Variants in NRBF2 observed in about 807,000 individuals in gnomAD.
NRBF2 encodes the protein nuclear receptor-binding factor 2.
Under a neutral mutation model 28.5 loss-of-function variants are expected in NRBF2, and 12 were observed. The ratio of observed to expected loss-of-function variants is 0.42; its 90% confidence interval spans 0.27 to 0.68. NRBF2 has a LOEUF of 0.68. Ranked by LOEUF, NRBF2 falls within the 30% of genes least tolerant of loss-of-function variation. The pLI, the probability that NRBF2 is intolerant of heterozygous loss-of-function variation, is 0.24. For missense variants in NRBF2, 274 were observed against 333.5 expected, an observed-to-expected ratio of 0.82 and a Z score of 1.39; for synonymous variants, 102 against 116.5, an observed-to-expected ratio of 0.88 and a Z score of 0.80.
At position 63,144,203 on chromosome 10, in the gene NRBF2, T is replaced by C. The variant is rs148343507; in HGVS notation, c.31-2006T>C. On this transcript the variant is annotated intron_variant, in intron 1 of 3. Transcript: ENST00000277746. ...TTTTTTCATCTTGCAAAACTGAAAC[T>C]ATGCCGTTTGAATACCTACTCCCCA... 3.3e-3 allele frequency among the ~76,000 whole-genome samples: 498 copies of C among 152,310 alleles called. 3 individuals are homozygous for C. The highest frequency in any genetic ancestry group is 0.012 in the African/African-American group (482 of 41,568).
intron 1 of NRBF2, among the ~76,000 whole-genome samples, chr10:63,142,936 A>G (rs1352169982): frequency 6.6e-6 from 1 of 151,706 alleles, no homozygotes; most frequent in Non-Finnish European, 1.5e-5. Flanking sequence ...ATGTGCCACC[A>G]TGCCTGGCTA....
chr10:63,140,791 C>T (rs540086596), intron 1 of NRBF2, among the ~76,000 whole-genome samples: 5 of 152,006 alleles, frequency 3.3e-5, no homozygotes, highest in East Asian at 3.9e-4. Context: ...ACCTCTGCCT[C>T]CCAGGTTCAA....
In NRBF2 at chr10:63,154,292, G is replaced by C. The variant is rs1841696949; in HGVS notation, c.*74G>C. 2.0e-6 allele frequency: 2 copies of C among 1,007,506 alleles called. No individual in the cohort carries two copies. Among genetic ancestry groups the C allele is most frequent in the Admixed American group, 4.9e-5 (2 of 40,586 alleles). 62.4% of individuals were successfully genotyped at this position (1,007,506 alleles called of 1,614,324 possible). On this transcript the variant is annotated 3_prime_UTR_variant, in exon 4 of 4. Coordinates refer to ENST00000277746, the MANE Select transcript of NRBF2 (RefSeq NM_030759.5). ...TTAATCCAGCAAAAAGAAATGAAAAGGGAAAACCACATAGAAGGGTAATCC... is the reference window on the plus strand; with the variant it reads ...TTAATCCAGCAAAAAGAAATGAAAACGGAAAACCACATAGAAGGGTAATCC...
chr10:63,139,156 C>T (rs143191520), intron 1 of NRBF2, among the ~76,000 whole-genome samples: 82 of 152,242 alleles, frequency 5.4e-4, no homozygotes, highest in African/African-American at 1.9e-3. Context: ...ACCACAGGCG[C>T]GTGCCATCAT....
chr10:63,148,439 T>C (rs572834771), intron 2 of NRBF2, among the ~76,000 whole-genome samples: 3 of 152,294 alleles, frequency 2.0e-5, no homozygotes, highest in African/African-American at 4.8e-5. Context: ...TTGGAAGGTA[T>C]GGGTTAGGTG....
intron 1 of NRBF2, among the ~76,000 whole-genome samples, chr10:63,139,645 C>T (rs1354250566): frequency 1.3e-5 from 2 of 152,182 alleles, no homozygotes; most frequent in East Asian, 1.9e-4. Flanking sequence ...TAGAGCCTGT[C>T]AGTCCGACTT....
At chr10:63,147,421 A>G (rs1841579022) in intron 2 of NRBF2, among the ~76,000 whole-genome samples, 1 of 151,736 alleles carries the variant, frequency 6.6e-6, no homozygotes, top group Non-Finnish European at 1.5e-5. Flanking sequence ...CCTGGTTTCA[A>G]GTGGTTCTCC....
intron 2 of NRBF2, among the ~76,000 whole-genome samples, chr10:63,150,034 T>C (rs1418496532): frequency 6.6e-6 from 1 of 150,956 alleles, no homozygotes; most frequent in Non-Finnish European, 1.5e-5. Flanking sequence ...CTCCACCTCA[T>C]GGGTTCAAGC....
chr10:63,146,774 C>T (rs1343217237), intron 2 of NRBF2, among the ~76,000 whole-genome samples: 1 of 152,010 alleles, frequency 6.6e-6, no homozygotes, highest in Non-Finnish European at 1.5e-5. Flanking sequence ...TTTTTTTTAG[C>T]TTCCCTTCTG....
rs1280540852 is a variant in NRBF2, at chr10:63,155,004, CAAT to C, written c.*789_*791del. On this transcript the variant is annotated 3_prime_UTR_variant, in exon 4 of 4. Transcript: ENST00000277746. ...TTGGCAGTATTTTATTGTAAGAAATCAATAAAGTAATTGTGTTTTATACCTTTG... is the reference window on the plus strand; with the variant it reads ...TTGGCAGTATTTTATTGTAAGAAATCAAAGTAATTGTGTTTTATACCTTTG... The C allele has an allele frequency of 1.3e-5, 2 of 152,186 alleles. No individual in the cohort carries two copies. Among genetic ancestry groups the C allele is most frequent in the Non-Finnish European group, 2.9e-5 (2 of 68,008 alleles). The allele number at this position is 152,186 out of a possible 1,614,324, so 9.4% of individuals were successfully genotyped here.
rs1045544637 is a variant in NRBF2 at position 63,154,706 on chromosome 10, T to C, written c.*488T>C. The C allele has an allele frequency of 6.5e-6, 1 of 154,770 alleles. No individual in the cohort carries two copies. The highest frequency in any genetic ancestry group is 2.4e-5 in the African/African-American group (1 of 41,458). The allele number at this position is 154,770 out of a possible 1,614,324, so 9.6% of individuals were successfully genotyped here. A position where few individuals can be genotyped will look rare whatever the true frequency, so the allele number is the denominator to read the frequency against. On this transcript the variant is annotated 3_prime_UTR_variant, in exon 4 of 4. Coordinates refer to ENST00000277746, the MANE Select transcript of NRBF2 (RefSeq NM_030759.5). The stretch of plus-strand genomic sequence containing the variant: ...GCACATTCTGTTTGTTTAAGGTGTG[T>C]AAGATACACACCCTTCTAGATGAAA...
At chr10:63,150,072 G>A (rs902689101) in intron 2 of NRBF2, among the ~76,000 whole-genome samples, 1 of 151,360 alleles carries the variant, frequency 6.6e-6, no homozygotes, top group Admixed American at 6.6e-5. Flanking sequence ...TTCCCTAGTA[G>A]CTGGGATTAC....
At chr10:63,150,818 A>G (rs773046996) in intron 2 of NRBF2, among the ~76,000 whole-genome samples, 5 of 152,190 alleles carry the variant, frequency 3.3e-5, no homozygotes, top group Non-Finnish European at 7.3e-5. Flanking sequence ...GGAGACAGCG[A>G]CAGATCATCA....
chr10:63,141,519 T>A (rs1001274304), intron 1 of NRBF2, among the ~76,000 whole-genome samples: 3 of 152,238 alleles, frequency 2.0e-5, no homozygotes, highest in African/African-American at 7.2e-5. Flanking sequence ...GGCAGGTACT[T>A]CCATCACTTC....
chr10:63,143,474 T>C (rs1457059385), intron 1 of NRBF2, among the ~76,000 whole-genome samples: 1 of 152,164 alleles, frequency 6.6e-6, no homozygotes, highest in Non-Finnish European at 1.5e-5. Flanking sequence ...TGTTTTTTTT[T>C]TGGGACCGAG....
intron 2 of NRBF2, among the ~76,000 whole-genome samples, chr10:63,151,570 CAAAT>C (rs1179991933): frequency 1.3e-5 from 2 of 152,062 alleles, no homozygotes; most frequent in Non-Finnish European, 2.9e-5. Context: ...AAAATTCAAA[CAAAT>C]AGTCACCGAG....
rs1841698789 is a variant in NRBF2 at position 63,154,394 on chromosome 10, T to C, written c.*176T>C. ...GGGAAACAGTCACTGTGAAATGCGC[T>C]GCGTATCTCATTCACTCACTTCAGC... On this transcript the variant is annotated 3_prime_UTR_variant, in exon 4 of 4. Transcript: ENST00000277746. 2 of 542,778 alleles carry C rather than the reference T, an allele frequency of 3.7e-6. No homozygotes were observed. The highest frequency in any genetic ancestry group is 3.0e-5 in the East Asian group (1 of 33,220). 33.6% of individuals were successfully genotyped at this position (542,778 alleles called of 1,614,324 possible). A position where few individuals can be genotyped will look rare whatever the true frequency, so the allele number is the denominator to read the frequency against.
intron 1 of NRBF2, among the ~76,000 whole-genome samples, chr10:63,145,252 C>A (rs923364809): frequency 6.6e-6 from 1 of 151,956 alleles, no homozygotes; most frequent in Non-Finnish European, 1.5e-5. Context: ...GGATTACAGG[C>A]GCCCGCAGAG....
rs1473134232 is a variant in NRBF2 at position 63,153,665 on chromosome 10, C to A, written c.311C>A (p.Pro104His). The part of the protein sequence containing the change: ...AAAHLQTSHK[P>H]SAEDAEGQSP... ...GCCCATCTTCAGACATCTCACAAAC[C>A]CTCTGCAGAGGATGCAGAGGGCCAG... is the stretch of plus-strand genomic sequence containing the variant. Residue 104 changes from proline (P) to histidine (H), a missense_variant, in exon 4 of 4, where the codon CCC becomes CAC. Pro to His is a moderately conservative substitution (Grantham distance 77). Transcript: ENST00000277746. 6.2e-7 allele frequency: 1 copy of A among 1,611,832 alleles called. No individual in the cohort carries two copies. The highest frequency in any genetic ancestry group is 1.7e-5 in the Admixed American group (1 of 59,988).
Sources: gnomAD v4.1 joint callset for allele counts (sites outside exome capture counted in the v4.1 genomes callset) on GRCh38, gnomAD v4.1.1 for gene constraint, MANE v1.5 for transcripts, NCBI Gene and HGNC (gene_info 2026-07-23, HGNC 2026-07-21) for gene names.